Variants in CUL1 observed in about 807,000 individuals in gnomAD.
CUL1 encodes cullin 1.
Under a neutral mutation model 118.0 loss-of-function variants are expected in CUL1, and 24 were observed. That is an observed-to-expected ratio of 0.20 (90% CI 0.15 to 0.29). The LOEUF (loss-of-function observed/expected upper bound fraction) is 0.29, where lower values mean the gene tolerates loss of function less well. Among genes scored for constraint, CUL1 ranks in the 10% least tolerant of loss-of-function variants. CUL1 has a pLI of 1.00. For synonymous variants in CUL1, 332 were observed against 340.4 expected (o/e 0.98, Z 0.27); for missense variants, 361 against 933.8 (o/e 0.39, Z 7.99).
In CUL1 at chr7:148,786,489, T is replaced by C. The variant is rs1021347740; in HGVS notation, c.1299-62T>C. On this transcript the variant is annotated intron_variant, in intron 11 of 21. Transcript: ENST00000325222. Reference sequence around the variant, plus strand: ...TGAATGCTTGAAGCTGCATTCTGGCTAAGTGGTGCTTGTTTAAACGTACTG... The same window carrying C: ...TGAATGCTTGAAGCTGCATTCTGGCCAAGTGGTGCTTGTTTAAACGTACTG... 9 of 1,256,814 alleles carry C rather than the reference T, an allele frequency of 7.2e-6. No individual in the cohort carries two copies. The African/African-American group carries it at 7.4e-5, about 10-fold the overall frequency. The allele number at this position is 1,256,814 out of a possible 1,614,324, so 77.9% of individuals were successfully genotyped here.
At chr7:148,783,617 GT>G (rs1800724281) in intron 9 of CUL1, 165 bp from the exon 10 acceptor site, 1 of 1,532,428 alleles carries the variant, frequency 6.5e-7, no homozygotes, top group East Asian at 2.5e-5. Context: ...TGTCCTATGT[GT>G]TTCAACGATG....
chr7:148,746,775 C>T (rs756178013), intron 2 of CUL1, among the ~76,000 whole-genome samples: 11 of 152,156 alleles, frequency 7.2e-5, no homozygotes, highest in Non-Finnish European at 1.2e-4. Context: ...AAAATGCATT[C>T]TAGTTGGCAG....
At chr7:148,745,767 A>G (rs1401943144) in intron 2 of CUL1, among the ~76,000 whole-genome samples, 4 of 151,548 alleles carry the variant, frequency 2.6e-5, no homozygotes, top group Non-Finnish European at 5.9e-5. Flanking sequence ...AAAATGAAGA[A>G]CTAACTCTAG....
chr7:148,747,149 C>T (rs1387582644), intron 2 of CUL1, among the ~76,000 whole-genome samples: 1 of 152,202 alleles, frequency 6.6e-6, no homozygotes, highest in Non-Finnish European at 1.5e-5. Flanking sequence ...ATTGTGTACA[C>T]TCTTAAGCAT....
intron 2 of CUL1, among the ~76,000 whole-genome samples, chr7:148,742,598 GT>G (rs59592789): frequency 0.029 from 3,250 of 112,144 alleles, 78 homozygotes; most frequent in African/African-American, 0.097. Flanking sequence ...ACCTTTTCTG[GT>G]TTTTTTTTTT....
chr7:148,720,366 T>C (rs748255007), intron 1 of CUL1, among the ~76,000 whole-genome samples: 7 of 151,840 alleles, frequency 4.6e-5, no homozygotes, highest in Non-Finnish European at 1.0e-4. Flanking sequence ...TAAAGAGAAG[T>C]AGGATAAGAA....
Position 148,734,772 on chromosome 7 carries a change from G to T in CUL1, c.140+4510G>T, listed in dbSNP as rs566457749. ...GAAGTATGAGAGTCCGGCCTAGCTC[G>T]TGCAGGTGTCAGGTCACCTGTTGGA... is the stretch of plus-strand genomic sequence containing the variant. On this transcript the variant is annotated intron_variant, in intron 2 of 21. Coordinates refer to ENST00000325222, the MANE Select transcript of CUL1 (RefSeq NM_003592.3). Among the ~76,000 whole-genome samples, 7 of 152,280 alleles carry T rather than the reference G, an allele frequency of 4.6e-5. No homozygotes were observed. The East Asian group carries it at 9.6e-4, about 21-fold the overall frequency.
At chr7:148,760,551 A>G (rs1282107981) in intron 7 of CUL1, 55 bp downstream of exon 7, 7 of 1,282,724 alleles carry the variant, frequency 5.5e-6, no homozygotes, top group African/African-American at 1.5e-5. Flanking sequence ...TTGCTACTCA[A>G]GTGAGTTCTT....
intron 2 of CUL1, among the ~76,000 whole-genome samples, chr7:148,749,330 T>C (rs568078674): frequency 6.9e-6 from 1 of 143,942 alleles, no homozygotes; most frequent in African/African-American, 2.7e-5. Flanking sequence ...GGCAGGAGAA[T>C]CACTTGAACC....
chr7:148,728,212 C>G (rs548833895), intron 1 of CUL1, among the ~76,000 whole-genome samples: 1 of 151,786 alleles, frequency 6.6e-6, no homozygotes, highest in African/African-American at 2.4e-5. Flanking sequence ...CATTGCCACT[C>G]GCTGACACGG....
chr7:148,757,240 A>G, intron 4 of CUL1, 90 bp downstream of exon 4: 2 of 743,962 alleles, frequency 2.7e-6, no homozygotes, highest in Middle Eastern at 3.5e-4. Context: ...AATCTAGGCA[A>G]ATATTAAGCT....
At chr7:148,750,294 CT>C (rs370284482) in intron 2 of CUL1, among the ~76,000 whole-genome samples, 7,999 of 142,708 alleles carry the variant, frequency 0.056, 263 homozygotes, top group Admixed American at 0.11. Flanking sequence ...CCACCTAGGA[CT>C]TTTTTTTTTT....
At chr7:148,756,238 GT>G (rs559520054) in intron 3 of CUL1, among the ~76,000 whole-genome samples, 1 of 152,200 alleles carries the variant, frequency 6.6e-6, no homozygotes, top group East Asian at 1.9e-4. Flanking sequence ...TGTTTTTATG[GT>G]TTTTAAGTAA....
At chr7:148,771,543 CT>C (rs2129461300) in intron 9 of CUL1, among the ~76,000 whole-genome samples, 1 of 152,266 alleles carries the variant, frequency 6.6e-6, no homozygotes, top group South Asian at 2.1e-4. Flanking sequence ...GGGGAGGGGA[CT>C]GTCCGTCAGG....
chr7:148,704,317 A>G (rs1370385640), intron 1 of CUL1, among the ~76,000 whole-genome samples: 2 of 152,212 alleles, frequency 1.3e-5, no homozygotes, highest in African/African-American at 4.8e-5. Context: ...TTAAAAAATG[A>G]ACTACTTATG....
intron 1 of CUL1, among the ~76,000 whole-genome samples, chr7:148,712,653 ACT>A (rs1485146918): frequency 6.6e-6 from 1 of 152,176 alleles, no homozygotes; most frequent in Non-Finnish European, 1.5e-5. Flanking sequence ...TGTGTCAAGG[ACT>A]CTGCTAAGCA....
chr7:148,800,595 G>C lies in CUL1; in HGVS notation c.*13G>C. ...TTACTTGGCTTAACCCTTCTGGAAG[G>C]GTCTGACTGTGTGACCCGCAGCAAA... On this transcript the variant is annotated 3_prime_UTR_variant, in exon 22 of 22. Transcript: ENST00000325222. This position sits in a 1 kb window ranked among gnomAD's most constrained non-coding sequence, Gnocchi z 4.6. The C allele has an allele frequency of 1.3e-6, 2 of 1,596,566 alleles. No homozygotes were observed. Among genetic ancestry groups the C allele is most frequent in the South Asian group, 2.2e-5 (2 of 90,478 alleles).
intron 1 of CUL1, among the ~76,000 whole-genome samples, chr7:148,719,651 C>G (rs1434857398): frequency 6.6e-6 from 1 of 152,146 alleles, no homozygotes; most frequent in African/African-American, 2.4e-5. Flanking sequence ...TAGAATAATA[C>G]AACATTCAAA....
At chr7:148,788,063 C>T (rs1800878517) in intron 13 of CUL1, among the ~76,000 whole-genome samples, 1 of 152,186 alleles carries the variant, frequency 6.6e-6, no homozygotes, top group African/African-American at 2.4e-5. Flanking sequence ...TAGGCAGCCA[C>T]CTTCTTGCAG....
Sources: allele counts gnomAD v4.1 joint callset (sites outside exome capture counted in the v4.1 genomes callset), GRCh38; gene constraint gnomAD v4.1.1; non-coding constraint Gnocchi (gnomAD v3.1); transcripts MANE v1.5; gene names NCBI Gene and HGNC (gene_info 2026-07-23, HGNC 2026-07-21).